The following CXADR variants were observed in gnomAD, a reference collection of about 807,000 sequenced individuals.
CXADR encodes coxsackievirus and adenovirus receptor.
In CXADR, 20 loss-of-function variants were observed where a neutral mutation model predicts 40.3. The ratio of observed to expected loss-of-function variants is 0.50; its 90% CI spans 0.35 to 0.72. The LOEUF is 0.72. Among genes scored for constraint, CXADR ranks in the 30% least tolerant of loss-of-function variants. The pLI is 0.01. For missense variants in CXADR, 332 were observed against 449.1 expected (o/e 0.74, Z 2.36); for synonymous variants, 150 against 161.3 (o/e 0.93, Z 0.53).
At chr21:17,526,146 A>G (rs1254067963) in intron 1 of CXADR, among the ~76,000 whole-genome samples, 1 of 152,210 alleles carries the variant, frequency 6.6e-6, no homozygotes, top group Non-Finnish European at 1.5e-5. Context: ...TGTATTGGTC[A>G]GCACTAGGAG....
chr21:17,632,634 G>A, the CXADR span, among the ~76,000 whole-genome samples: 653 of 152,210 alleles, frequency 4.3e-3, 7 homozygotes, highest in African/African-American at 0.015. Context: ...TTGGGAGGCC[G>A]AGGCGGGCGG....
chr21:17,553,614 C>CTTTTTTTTTTTTTTTT (rs10710377), intron 3 of CXADR, among the ~76,000 whole-genome samples: 1 of 128,272 alleles, frequency 7.8e-6, no homozygotes, highest in Non-Finnish European at 1.7e-5. Flanking sequence ...GGTCCGAATT[C>CTTTTTTTTTTTTTTTT]TTTTTTTTTT....
At chr21:17,630,397 A>G in the CXADR span, among the ~76,000 whole-genome samples, 3 of 152,180 alleles carry the variant, frequency 2.0e-5, no homozygotes, top group African/African-American at 4.8e-5. Flanking sequence ...TCACTCCTAC[A>G]TACTTCAAGA....
At chr21:17,631,591 G>A in the CXADR span, among the ~76,000 whole-genome samples, 1 of 152,148 alleles carries the variant, frequency 6.6e-6, no homozygotes, top group Non-Finnish European at 1.5e-5. Flanking sequence ...TCAGGGTTTA[G>A]TAATCAGTGC....
At position 17,547,203 on chromosome 21, in the gene CXADR, A is replaced by G. The variant is rs765366042; in HGVS notation, c.210+10A>G. ...GAAGGTGGATCAAGTGGTAAGTTTGATATGTCCTTGCTCGCTTAGCAGCTG... is the reference window on the plus strand; with the variant it reads ...GAAGGTGGATCAAGTGGTAAGTTTGGTATGTCCTTGCTCGCTTAGCAGCTG... On this transcript the variant is annotated intron_variant, in intron 2 of 6. Coordinates refer to ENST00000284878, the MANE Select transcript of CXADR (RefSeq NM_001338.5). 6.2e-6 allele frequency: 10 copies of G among 1,613,958 alleles called. No homozygotes were observed. In the Admixed American group the frequency reaches 1.7e-4, roughly 27 times the overall value.
intron 1 of CXADR, among the ~76,000 whole-genome samples, chr21:17,517,826 T>C (rs1312065197): frequency 1.3e-5 from 2 of 152,142 alleles, no homozygotes; most frequent in Admixed American, 6.6e-5. Context: ...CCAGGCCATT[T>C]GGAGACCAAA....
At chr21:17,550,964 G>T (rs1349776899) in intron 2 of CXADR, among the ~76,000 whole-genome samples, 2 of 152,116 alleles carry the variant, frequency 1.3e-5, no homozygotes. Flanking sequence ...TTAGTATTAA[G>T]ACCAAACAAA....
At chr21:17,524,043 C>CGTGT (rs200561495) in intron 1 of CXADR, among the ~76,000 whole-genome samples, 1,688 of 144,798 alleles carry the variant, frequency 0.012, 13 homozygotes, top group Non-Finnish European at 0.014. Flanking sequence ...TGTGTGTGTG[C>CGTGT]GTGTGTGTGT....
the CXADR span, among the ~76,000 whole-genome samples, chr21:17,620,900 G>T: frequency 2.0e-5 from 3 of 152,160 alleles, no homozygotes; most frequent in Non-Finnish European, 4.4e-5. Context: ...AAATCTACAG[G>T]GCAAGCTGGC....
At chr21:17,530,514 T>C (rs980346059) in intron 1 of CXADR, 2 of 444,264 alleles carry the variant, frequency 4.5e-6, no homozygotes, top group African/African-American at 2.0e-5. Flanking sequence ...TTTGCCATTA[T>C]GAAATAACTA....
chr21:17,616,790 C>G, the CXADR span, among the ~76,000 whole-genome samples: 1 of 152,104 alleles, frequency 6.6e-6, no homozygotes, highest in Non-Finnish European at 1.5e-5. Flanking sequence ...TTTAAGAACA[C>G]TTCAACACAT....
intron 1 of CXADR, among the ~76,000 whole-genome samples, chr21:17,521,164 G>A (rs2060525559): frequency 6.6e-6 from 1 of 152,140 alleles, no homozygotes; most frequent in African/African-American, 2.4e-5. Context: ...GTAAGAAGGA[G>A]TGATAGGGGA....
At chr21:17,531,250 G>A (rs945925554) in intron 1 of CXADR, among the ~76,000 whole-genome samples, 1 of 151,292 alleles carries the variant, frequency 6.6e-6, no homozygotes, top group African/African-American at 2.4e-5. Flanking sequence ...AGTGAGCTGA[G>A]TTTGTGCCAT....
At chr21:17,580,060 C>T (rs1340633630) in intron 7 of CXADR, among the ~76,000 whole-genome samples, 2 of 152,058 alleles carry the variant, frequency 1.3e-5, no homozygotes, top group Non-Finnish European at 2.9e-5. Context: ...TGGCCTCAGG[C>T]AGTCTTTAGC....
intron 7 of CXADR, among the ~76,000 whole-genome samples, chr21:17,583,414 A>G (rs2123386229): frequency 6.6e-6 from 1 of 152,370 alleles, no homozygotes. Context: ...AAAAACCTTT[A>G]AATGTCTATA....
At chr21:17,622,510 T>G in the CXADR span, among the ~76,000 whole-genome samples, 1 of 149,928 alleles carries the variant, frequency 6.7e-6, no homozygotes, top group Non-Finnish European at 1.5e-5. Flanking sequence ...ATATGCTTTA[T>G]TTCAGGGGGG....
In CXADR at chr21:17,514,973, AT is replaced by A. The variant is rs59819426; in HGVS notation, c.43+1813del. ...GGGAATATTTAGATAATTGGATTTA[AT>A]TTTTTTTTTTTGGAATGCCTCACTT... On this transcript the variant is annotated intron_variant, in intron 1 of 6. Coordinates refer to ENST00000284878, the MANE Select transcript of CXADR (RefSeq NM_001338.5). 5.5e-4 allele frequency among the ~76,000 whole-genome samples: 80 copies of A among 146,204 alleles called. 1 individual carries two copies. The highest frequency in any genetic ancestry group is 8.2e-4 in the Admixed American group (12 of 14,556).
At chr21:17,553,999 G>A (rs552198468) in intron 3 of CXADR, among the ~76,000 whole-genome samples, 1 of 152,286 alleles carries the variant, frequency 6.6e-6, no homozygotes, top group Non-Finnish European at 1.5e-5. Context: ...CTGCTCTCTA[G>A]GAACTATTAA....
At position 17,580,286 on chromosome 21, in the gene CXADR, A is replaced by G. The variant is rs567429173; in HGVS notation, c.1018-12866A>G. On this transcript the variant is annotated intron_variant, in intron 7 of 7. Transcript: ENST00000400169. ...TAACTTTCTTAAAACACTTATGTTC[A>G]CTCTCTTGCTCAAAAGCTTTCCTAG... is the stretch of plus-strand genomic sequence containing the variant. 7.9e-5 allele frequency among the ~76,000 whole-genome samples: 12 copies of G among 152,298 alleles called. No individual in the cohort carries two copies. In the East Asian group the frequency reaches 1.3e-3, roughly 17 times the overall value.
Sources: allele counts gnomAD v4.1 joint callset (sites outside exome capture counted in the v4.1 genomes callset), GRCh38; gene constraint gnomAD v4.1.1; transcripts MANE v1.5; gene names NCBI Gene and HGNC (gene_info 2026-07-23, HGNC 2026-07-21).